TBC1D24: variants seen among roughly 807,000 people sequenced by gnomAD.
TBC1D24 encodes the protein TBC1 domain family member 24, also known as Infantile myoclonic epilepsy.
In TBC1D24, 47 loss-of-function variants were observed where a neutral mutation model predicts 50.7. The observed-to-expected ratio is 0.93, with a 90% CI of 0.73 to 1.18. The LOEUF is 1.18. TBC1D24 is among the 50% of genes most tolerant of loss of function. The pLI, the probability that TBC1D24 is intolerant of heterozygous loss-of-function variation, is 0.00. For missense variants in TBC1D24, 688 were observed against 766.5 expected, an observed-to-expected ratio of 0.90 and a Z score of 1.21; for synonymous variants, 324 against 335.2, an observed-to-expected ratio of 0.97 and a Z score of 0.36.
At chr16:2,478,234 T>G (rs1438618410) in intron 1 of TBC1D24, 1 of 152,332 alleles carries the variant, frequency 6.6e-6, no homozygotes, top group Non-Finnish European at 1.5e-5. Flanking sequence ...GAGGAACACT[T>G]GAGCCCAGGA....
At position 2,500,200 on chromosome 16, in the gene TBC1D24, T is replaced by C; in HGVS notation, c.1303-68T>C. 2 of 1,419,860 alleles carry C rather than the reference T, an allele frequency of 1.4e-6. No individual in the cohort carries two copies. The highest frequency in any genetic ancestry group is 1.9e-6 in the Non-Finnish European group (2 of 1,029,466). The allele number at this position is 1,419,860 out of a possible 1,614,324, so 88.0% of individuals were successfully genotyped here. ...GTGCAGATTCACGGGATGAAACGGG[T>C]TGTGGCTCTGGGGCAGAGGGGCCTG... On this transcript the variant is annotated intron_variant, in intron 6 of 7. Transcript: ENST00000646147. This position sits in a 1 kb window ranked among gnomAD's most constrained non-coding sequence, Gnocchi z 8.0.
rs1044865892 is a variant in TBC1D24 at position 2,486,600 on chromosome 16, G to T, written c.-115-9434G>T. 1.3e-5 allele frequency among the ~76,000 whole-genome samples: 2 copies of T among 152,234 alleles called. No individual in the cohort carries two copies. Among genetic ancestry groups the T allele is most frequent in the South Asian group, 4.1e-4 (2 of 4,832 alleles). On this transcript the variant is annotated intron_variant, in intron 1 of 7. Transcript: ENST00000646147. The surrounding 1 kb of genome is among the most constrained non-coding windows in gnomAD (Gnocchi z 5.8). ...CCTAGCGAACACTGACCTACGTTGG[G>T]ACAGGGCTGCCTCTTGCCCAGGGGG...
chr16:2,499,296 C>A lies in TBC1D24; in HGVS notation c.1143-61C>A. The A allele has an allele frequency of 6.6e-7, 1 of 1,509,628 alleles. No homozygotes were observed. Among genetic ancestry groups the A allele is most frequent in the Non-Finnish European group, 9.1e-7 (1 of 1,097,290 alleles). 93.5% of individuals were successfully genotyped at this position (1,509,628 alleles called of 1,614,324 possible). A position where few individuals can be genotyped will look rare whatever the true frequency, so the allele number is the denominator to read the frequency against. On this transcript the variant is annotated intron_variant, in intron 4 of 7. Transcript: ENST00000646147. The surrounding 1 kb of genome is among the most constrained non-coding windows in gnomAD (Gnocchi z 4.0). The stretch of plus-strand genomic sequence containing the variant: ...CCAAGACAGCTGGGGCCAGCGGAGG[C>A]TGCAGGAGGCGGCTGGGAGGGTGTG...
chr16:2,488,735 G>A (rs2065670984), intron 1 of TBC1D24, among the ~76,000 whole-genome samples: 1 of 147,112 alleles, frequency 6.8e-6, no homozygotes, highest in Non-Finnish European at 1.5e-5. Flanking sequence ...ACAGGTGTGA[G>A]CCACCGCACC....
chr16:2,476,098 A>C (rs1384080399), intron 1 of TBC1D24, among the ~76,000 whole-genome samples: 1 of 152,242 alleles, frequency 6.6e-6, no homozygotes, highest in Non-Finnish European at 1.5e-5. Flanking sequence ...CGATAGAAGC[A>C]CTAGCGGGTG....
chr16:2,498,169 C>T (rs2065759449), intron 3 of TBC1D24, 69 bp from the exon 4 acceptor site: 19 of 1,534,736 alleles, frequency 1.2e-5, no homozygotes, highest in Non-Finnish European at 1.7e-5. Flanking sequence ...GGCTCTGGGG[C>T]ATACCTCGGG....
chr16:2,502,716 A>T lies in TBC1D24; in HGVS notation c.*1758A>T, dbSNP rs1308183098. 6.5e-6 allele frequency: 1 copy of T among 152,764 alleles called. No individual in the cohort carries two copies. The highest frequency in any genetic ancestry group is 1.5e-5 in the Non-Finnish European group (1 of 68,062). 9.5% of individuals were successfully genotyped at this position (152,764 alleles called of 1,614,324 possible). On this transcript the variant is annotated 3_prime_UTR_variant, in exon 8 of 8. Coordinates refer to ENST00000646147, the MANE Select transcript of TBC1D24 (RefSeq NM_001199107.2). ...GAGAGGCTCGCAGGGGGATGGGGTG[A>T]ATCCCTCTCACGGGGAGAGGTATGG...
chr16:2,496,309 T>C lies in TBC1D24; in HGVS notation c.161T>C (p.Val54Ala), dbSNP rs1229736902. Reference sequence around the variant, plus strand: ...CAAAGCCACGCCCTGCGGGGAAAGGTGTACCAGCGCCTGATCCGGGACATT... The same window carrying C: ...CAAAGCCACGCCCTGCGGGGAAAGGCGTACCAGCGCCTGATCCGGGACATT... ...WAQSHALRGK[V>A]YQRLIRDIPC... The change falls in exon 2 of 8, where the codon GTG (valine) becomes GCG (alanine). Residue 54 changes from valine to alanine, a missense_variant. Physicochemically the swap from Val to Ala is moderately conservative, Grantham distance 64. Coordinates refer to ENST00000646147, the MANE Select transcript of TBC1D24 (RefSeq NM_001199107.2). The C allele has an allele frequency of 5.6e-6, 9 of 1,613,496 alleles. No individual in the cohort carries two copies. The highest frequency in any genetic ancestry group is 6.8e-6 in the Non-Finnish European group (8 of 1,179,984).
chr16:2,501,315 T>G lies in TBC1D24; in HGVS notation c.*357T>G. 3.1e-6 allele frequency: 1 copy of G among 317,916 alleles called. No homozygotes were observed. The highest frequency in any genetic ancestry group is 6.0e-6 in the Non-Finnish European group (1 of 166,070). The allele number at this position is 317,916 out of a possible 1,614,324, so 19.7% of individuals were successfully genotyped here. ...AGCCTCTCTAGGCAGCCTGAGCCCCTGGGGTGGGAGTACAACGGCAGTGGG... is the reference window on the plus strand; with the variant it reads ...AGCCTCTCTAGGCAGCCTGAGCCCCGGGGGTGGGAGTACAACGGCAGTGGG... On this transcript the variant is annotated 3_prime_UTR_variant, in exon 8 of 8. Coordinates refer to ENST00000646147, the MANE Select transcript of TBC1D24 (RefSeq NM_001199107.2).
intron 1 of TBC1D24, among the ~76,000 whole-genome samples, chr16:2,492,181 G>A (rs1176475978): frequency 6.6e-6 from 1 of 152,108 alleles, no homozygotes; most frequent in African/African-American, 2.4e-5. Flanking sequence ...TTGTTGCCTT[G>A]TGTGCACAGC....
At position 2,496,331 on chromosome 16, in the gene TBC1D24, C is replaced by A; in HGVS notation, c.183C>A (p.Asp61Glu). Residue 61 changes from aspartate (D) to glutamate (E), a missense_variant, in exon 2 of 8, where the codon GAC becomes GAA. Physicochemically the swap from Asp to Glu is conservative, Grantham distance 45. Transcript: ENST00000646147. Reference protein sequence around the residue: ...RGKVYQRLIRDIPCRTVTPDA... With the variant: ...RGKVYQRLIREIPCRTVTPDA... Reference sequence around the variant, plus strand: ...AGGTGTACCAGCGCCTGATCCGGGACATTCCCTGCCGCACGGTCACGCCTG... The same window carrying A: ...AGGTGTACCAGCGCCTGATCCGGGAAATTCCCTGCCGCACGGTCACGCCTG... The A allele has an allele frequency of 1.9e-6, 3 of 1,613,634 alleles. No individual in the cohort carries two copies. Among genetic ancestry groups the A allele is most frequent in the Non-Finnish European group, 2.5e-6 (3 of 1,180,040 alleles).
rs980096332 is a variant in TBC1D24 at position 2,485,043 on chromosome 16, T to A, written c.-116+9873T>A. 1 of 152,020 alleles carries A rather than the reference T, an allele frequency of 6.6e-6. No individual in the cohort carries two copies. The highest frequency in any genetic ancestry group is 2.4e-5 in the African/African-American group (1 of 41,276). 9.4% of individuals were successfully genotyped at this position (152,020 alleles called of 1,614,324 possible). ...TTTAGGCCCCAGTCCCTGCCCCATC[T>A]AGTGTGTTCTTCCAGCCTCCCTCCA... On this transcript the variant is annotated intron_variant, in intron 1 of 7. Coordinates refer to ENST00000646147, the MANE Select transcript of TBC1D24 (RefSeq NM_001199107.2). This position sits in a 1 kb window ranked among gnomAD's most constrained non-coding sequence, Gnocchi z 4.6.
intron 1 of TBC1D24, among the ~76,000 whole-genome samples, chr16:2,493,902 A>C (rs1303904312): frequency 6.6e-6 from 1 of 152,270 alleles, no homozygotes; most frequent in African/African-American, 2.4e-5. Flanking sequence ...ATTCGGATCC[A>C]GAAATGTGCA....
chr16:2,491,286 A>T (rs1029234760), intron 1 of TBC1D24, among the ~76,000 whole-genome samples: 2 of 152,216 alleles, frequency 1.3e-5, no homozygotes, highest in Non-Finnish European at 1.5e-5. Context: ...TGATTTTTGC[A>T]TTCAAATATC....
chr16:2,499,431 G>A lies in TBC1D24; in HGVS notation c.1206+11G>A, dbSNP rs1262624109. Reference sequence around the variant, plus strand: ...ACCACGCAGAAGGAGGTGAGCAGGGGCCCTGGAGCCAGGGCTGGCTCTGAT... The same window carrying A: ...ACCACGCAGAAGGAGGTGAGCAGGGACCCTGGAGCCAGGGCTGGCTCTGAT... On this transcript the variant is annotated intron_variant, in intron 5 of 7. Coordinates refer to ENST00000646147, the MANE Select transcript of TBC1D24 (RefSeq NM_001199107.2). This position sits in a 1 kb window ranked among gnomAD's most constrained non-coding sequence, Gnocchi z 4.0. 1.6e-5 allele frequency: 25 copies of A among 1,612,476 alleles called. No homozygotes were observed. The highest frequency in any genetic ancestry group is 1.8e-5 in the Non-Finnish European group (21 of 1,179,386).
At chr16:2,493,896 G>A (rs994300948) in intron 1 of TBC1D24, among the ~76,000 whole-genome samples, 8 of 152,156 alleles carry the variant, frequency 5.3e-5, no homozygotes, top group African/African-American at 1.4e-4. Flanking sequence ...TGGCCCATTC[G>A]GATCCAGAAA....
intron 1 of TBC1D24, among the ~76,000 whole-genome samples, chr16:2,488,890 C>G (rs1469536040): frequency 2.1e-5 from 3 of 141,278 alleles, no homozygotes; most frequent in African/African-American, 8.0e-5. Context: ...GAAACCCCGT[C>G]TCTACTAAAA....
intron 1 of TBC1D24, among the ~76,000 whole-genome samples, chr16:2,493,907 T>C (rs2065716628): frequency 6.6e-6 from 1 of 152,188 alleles, no homozygotes; most frequent in African/African-American, 2.4e-5. Flanking sequence ...GATCCAGAAA[T>C]GTGCAGTTTT....
chr16:2,496,688 C>A lies in TBC1D24; in HGVS notation c.540C>A (p.Cys180Ter). 6.2e-7 allele frequency: 1 copy of A among 1,613,472 alleles called. No homozygotes were observed. The highest frequency in any genetic ancestry group is 8.5e-7 in the Non-Finnish European group (1 of 1,180,032). ...DQSFLAFESSCMTFGDLVNKY... is the reference protein window; with the variant it reads ...DQSFLAFESS Reference sequence around the variant, plus strand: ...GCTTCCTGGCCTTTGAGTCGTCCTGCATGACGTTTGGGGACCTGGTGAACA... The same window carrying A: ...GCTTCCTGGCCTTTGAGTCGTCCTGAATGACGTTTGGGGACCTGGTGAACA... Residue 180 changes from cysteine (C) to a stop codon, truncating the protein, a stop_gained, in exon 2 of 8, where the codon TGC (cysteine) becomes TGA (stop). Coordinates refer to ENST00000646147, the MANE Select transcript of TBC1D24 (RefSeq NM_001199107.2). LOFTEE classifies it high-confidence loss of function.
Sources: gnomAD v4.1 joint callset for allele counts (sites outside exome capture counted in the v4.1 genomes callset) on GRCh38, gnomAD v4.1.1 for gene constraint, Gnocchi (gnomAD v3.1) non-coding constraint, MANE v1.5 for transcripts, NCBI Gene and HGNC (gene_info 2026-07-23, HGNC 2026-07-21) for gene names.